RBBP8NL: variants seen among roughly 807,000 people sequenced by gnomAD.
RBBP8NL encodes the protein RBBP8 N-terminal like.
A neutral mutation model predicts 62.2 loss-of-function variants in RBBP8NL; 59 were observed. The ratio of observed to expected loss-of-function variants is 0.95; its 90% confidence interval spans 0.77 to 1.18. RBBP8NL has a LOEUF of 1.18. RBBP8NL is among the 50% of genes most tolerant of loss of function. RBBP8NL has a pLI of 0.00. For missense variants in RBBP8NL, 896 were observed against 899.5 expected, an observed-to-expected ratio of 1.00 and a Z score of 0.05; for synonymous variants, 412 against 394.1, an observed-to-expected ratio of 1.05 and a Z score of -0.54.
At position 62,416,184 on chromosome 20, in the gene RBBP8NL, C is replaced by A; in HGVS notation, c.366G>T (p.Val122=). ...CTCACCCCAGGCCCCGAAGCCGCTT[C>A]ACCTCCTCCTTCAAGGTCTCGTTCT... ...KEENETLKEE[V]KRLRGLGDRP... The change falls in exon 6 of 14, where the codon GTG becomes GTT. Residue 122 remains valine (V), a synonymous_variant. Transcript: ENST00000252998. The A allele has an allele frequency of 6.2e-7, 1 of 1,613,070 alleles. No homozygotes were observed. Among genetic ancestry groups the A allele is most frequent in the South Asian group, 1.1e-5 (1 of 90,824 alleles).
chr20:62,421,444 G>A (rs1192849522), intron 1 of RBBP8NL, among the ~76,000 whole-genome samples: 3 of 150,984 alleles, frequency 2.0e-5, no homozygotes, highest in Non-Finnish European at 4.4e-5. Context: ...GATTGCCAGT[G>A]TGCATGTGTG....
chr20:62,415,012 A>C, intron 9 of RBBP8NL, 109 bp downstream of exon 9: 15 of 1,213,502 alleles, frequency 1.2e-5, no homozygotes, highest in Non-Finnish European at 1.4e-5. Flanking sequence ...AAGCCAAGCC[A>C]GAGAAGTTCA....
Position 62,414,570 on chromosome 20 carries a change from G to A in RBBP8NL, c.795-14C>T. 7.0e-7 allele frequency: 1 copy of A among 1,422,120 alleles called. No homozygotes were observed. Among genetic ancestry groups the A allele is most frequent in the Non-Finnish European group, 9.2e-7 (1 of 1,083,178 alleles). The allele number at this position is 1,422,120 out of a possible 1,614,324, so 88.1% of individuals were successfully genotyped here. ...GCCCGCAGGAAGCTGTGAGGGAGGA[G>A]AAGCCGAATGACCATGGCTGTGTGG... On this transcript the variant is annotated splice_polypyrimidine_tract_variant and intron_variant, in intron 9 of 13. Coordinates refer to ENST00000252998, the MANE Select transcript of RBBP8NL (RefSeq NM_080833.3).
At chr20:62,417,818 G>A (rs111972229) in intron 3 of RBBP8NL, among the ~76,000 whole-genome samples, 1 of 73,724 alleles carries the variant, frequency 1.4e-5, no homozygotes, top group African/African-American at 5.8e-5. Context: ...TCCTGTCCAC[G>A]CAACGCCCCC....
intron 5 of RBBP8NL, 57 bp from the exon 6 acceptor site, chr20:62,416,293 G>GGT: frequency 1.4e-6 from 1 of 701,048 alleles, no homozygotes; most frequent in Admixed American, 2.3e-5. Flanking sequence ...AGGGGCAGGG[G>GGT]TGGGGTCGTC....
chr20:62,420,250 C>A (rs964334741), intron 1 of RBBP8NL, among the ~76,000 whole-genome samples: 1 of 152,160 alleles, frequency 6.6e-6, no homozygotes, highest in Non-Finnish European at 1.5e-5. Context: ...ACACCACTGT[C>A]ACAGCACCTC....
In RBBP8NL at chr20:62,415,747, C is replaced by CGGGG. The variant is rs563561693; in HGVS notation, c.544+37_544+40dup. On this transcript the variant is annotated intron_variant, in intron 7 of 13. Coordinates refer to ENST00000252998, the MANE Select transcript of RBBP8NL (RefSeq NM_080833.3). ...CCCAGGGGGAGGATCCCTGGTCCTG[C>CGGGG]GGGGGCCCAGCCTCCCAGCCTCACC... 647 of 1,609,366 alleles carry CGGGG rather than the reference C, an allele frequency of 4.0e-4. 4 individuals carry two copies. In the African/African-American group the frequency reaches 7.0e-3, roughly 18 times the overall value.
At chr20:62,419,504 G>T in intron 2 of RBBP8NL, 83 bp downstream of exon 2, 1 of 1,417,254 alleles carries the variant, frequency 7.1e-7, no homozygotes, top group Non-Finnish European at 9.9e-7. Flanking sequence ...AGGTGATCAT[G>T]GGTGCACAGT....
At chr20:62,421,574 C>T (rs1988701708) in intron 1 of RBBP8NL, among the ~76,000 whole-genome samples, 2 of 149,242 alleles carry the variant, frequency 1.3e-5, no homozygotes, top group African/African-American at 5.0e-5. Flanking sequence ...CATGTGTGTG[C>T]ACGCCTGAGC....
intron 1 of RBBP8NL, among the ~76,000 whole-genome samples, chr20:62,420,517 G>A (rs558491387): frequency 1.3e-5 from 2 of 151,718 alleles, no homozygotes; most frequent in Admixed American, 6.6e-5. Context: ...ACAACACACA[G>A]GCACACACCC....
chr20:62,416,061 T>A, intron 6 of RBBP8NL, 103 bp downstream of exon 6: 1 of 1,468,974 alleles, frequency 6.8e-7, no homozygotes, highest in Non-Finnish European at 9.3e-7. Context: ...CGACACTGCC[T>A]GAGAGTCCTC....
At chr20:62,417,927 A>C (rs6587226) in intron 3 of RBBP8NL, among the ~76,000 whole-genome samples, 215 of 12,566 alleles carry the variant, frequency 0.017, no homozygotes, top group African/African-American at 0.034. Flanking sequence ...TGTCCACGCA[A>C]CGCCCCCCCA....
intron 1 of RBBP8NL, among the ~76,000 whole-genome samples, chr20:62,422,605 GGTGGGGATGGGGCCCGGA>G (rs1356943757): frequency 7.5e-5 from 11 of 146,434 alleles, no homozygotes; most frequent in Admixed American, 6.7e-5. Context: ...CGGGGACTGG[GGTGGGGATGGGGCCCGGA>G]GTGGGGATGG....
intron 1 of RBBP8NL, among the ~76,000 whole-genome samples, chr20:62,422,661 TGGGGATGGGGACC>T (rs1332049867): frequency 4.6e-4 from 4 of 8,700 alleles, no homozygotes; most frequent in African/African-American, 8.9e-4. Flanking sequence ...GGGACCGGGG[TGGGGATGGGGACC>T]GGGGTGGGGA....
chr20:62,414,456 G>T lies in RBBP8NL; in HGVS notation c.895C>A (p.His299Asn). Residue 299 changes from histidine to asparagine, a missense_variant, in exon 10 of 14, where the codon CAC becomes AAC. By Grantham distance (68) the His-to-Asn change is moderately conservative (BLOSUM62 1). Transcript: ENST00000252998. ...LCLLNRPLSLHLQSPHSSPLA... is the reference protein window; with the variant it reads ...LCLLNRPLSLNLQSPHSSPLA... ...GGGCTGCTGTGGGGGCTCTGAAGGT[G>T]CAGGGACAGGGGGCGGTTTAGGAGG... 6.7e-7 allele frequency: 1 copy of T among 1,493,992 alleles called. No homozygotes were observed. Among genetic ancestry groups the T allele is most frequent in the Non-Finnish European group, 8.9e-7 (1 of 1,117,834 alleles). 92.5% of individuals were successfully genotyped at this position (1,493,992 alleles called of 1,614,324 possible).
Position 62,417,464 on chromosome 20 carries a change from G to C in RBBP8NL, c.105-145C>G. On this transcript the variant is annotated intron_variant, in intron 3 of 13. Transcript: ENST00000252998. ...CGCCTAACCCGGTGCCCCCCTCCCA[G>C]TCATCTGCACGCTCCTCTGTGACGT... 5 of 628,464 alleles carry C rather than the reference G, an allele frequency of 8.0e-6. No individual in the cohort carries two copies. In the South Asian group the frequency reaches 9.3e-5, roughly 12 times the overall value. 38.9% of individuals were successfully genotyped at this position (628,464 alleles called of 1,614,324 possible). A position where few individuals can be genotyped will look rare whatever the true frequency, so the allele number is the denominator to read the frequency against.
chr20:62,412,896 G>T lies in RBBP8NL; in HGVS notation c.1680C>A (p.Pro560=). 1.2e-5 allele frequency: 20 copies of T among 1,613,174 alleles called. No individual in the cohort carries two copies. Among genetic ancestry groups the T allele is most frequent in the Non-Finnish European group, 1.7e-5 (20 of 1,179,994 alleles). ...QPPDLDGHPE[P]SKAEVLRPES... is the part of the protein sequence containing the mutation. The stretch of plus-strand genomic sequence containing the variant: ...CTGGTCTCAGCACTTCAGCCTTGCT[G>T]GGCTCTGAAGGATGCAGAGTGTGGG... Residue 560 remains proline, a synonymous_variant, in exon 12 of 14, where the codon CCC becomes CCA. Transcript: ENST00000252998.
chr20:62,418,749 C>T (rs1369952515), intron 2 of RBBP8NL, among the ~76,000 whole-genome samples: 2 of 149,764 alleles, frequency 1.3e-5, no homozygotes, highest in African/African-American at 4.8e-5. Context: ...AGTGACCAGC[C>T]ACCTGTGAAA....
intron 13 of RBBP8NL, 61 bp downstream of exon 13, chr20:62,412,563 A>T: frequency 6.4e-7 from 1 of 1,570,366 alleles, no homozygotes. Context: ...GGCACTGGGG[A>T]GAGGTGGGTG....
Sources: gnomAD v4.1 joint callset for allele counts (sites outside exome capture counted in the v4.1 genomes callset) on GRCh38, gnomAD v4.1.1 for gene constraint, MANE v1.5 for transcripts, NCBI Gene and HGNC (gene_info 2026-07-23, HGNC 2026-07-21) for gene names.